The following SCIN variants were observed in gnomAD, a reference collection of about 807,000 sequenced individuals.
The protein encoded by SCIN is adseverin.
SCIN carries 91 observed loss-of-function variants against 91.8 expected under a neutral mutation model. The observed-to-expected ratio is 0.99, with a 90% CI of 0.84 to 1.18. The LOEUF (loss-of-function observed/expected upper bound fraction) is 1.18, where lower values mean the gene tolerates loss of function less well. SCIN is among the 50% of genes most tolerant of loss of function. The pLI is 0.00. For synonymous variants in SCIN, 367 were observed against 312.6 expected (o/e 1.17, Z -1.84); for missense variants, 1,087 against 863.9 (o/e 1.26, Z -3.24).
rs1028323597 is a variant in SCIN at position 12,655,710 on chromosome 7, C to A, written c.*2995C>A. ...GCACAGTATTACTTTTGTAAACATA[C>A]ACAAAAAATATTATATATTTGCCAA... On this transcript the variant is annotated 3_prime_UTR_variant, in exon 16 of 16. Coordinates refer to ENST00000297029, the MANE Select transcript of SCIN (RefSeq NM_001112706.3). The A allele has an allele frequency of 1.3e-5, 2 of 152,048 alleles. No homozygotes were observed. Among genetic ancestry groups the A allele is most frequent in the Admixed American group, 1.3e-4 (2 of 15,260 alleles). 9.4% of individuals were successfully genotyped at this position (152,048 alleles called of 1,614,324 possible). A position where few individuals can be genotyped will look rare whatever the true frequency, so the allele number is the denominator to read the frequency against.
intron 6 of SCIN, 89 bp from the exon 7 acceptor site, chr7:12,625,673 C>G: frequency 2.1e-6 from 2 of 966,026 alleles, no homozygotes; most frequent in South Asian, 3.2e-5. Context: ...CAATTATAAT[C>G]ATGTTTATTA....
At chr7:12,594,302 T>G (rs995140559) in intron 3 of SCIN, among the ~76,000 whole-genome samples, 1 of 150,818 alleles carries the variant, frequency 6.6e-6, no homozygotes, top group African/African-American at 2.4e-5. Context: ...GGAAGAGGAG[T>G]CATCGGCTGG....
intron 9 of SCIN, 129 bp downstream of exon 9, chr7:12,629,351 T>G: frequency 1.2e-6 from 1 of 827,128 alleles, no homozygotes; most frequent in Admixed American, 3.1e-5. Context: ...AGCATGCATA[T>G]AGTATTTTCT....
Position 12,649,450 on chromosome 7 carries a change from C to T in SCIN, c.1882-17C>T, listed in dbSNP as rs371887843. On this transcript the variant is annotated splice_polypyrimidine_tract_variant and intron_variant, in intron 13 of 15. Coordinates refer to ENST00000297029, the MANE Select transcript of SCIN (RefSeq NM_001112706.3). The stretch of plus-strand genomic sequence containing the variant: ...ACTGCTTTACTTTTTGCTCATATAG[C>T]TTTTTATACCTTTCAGATTGAAGAG... The T allele has an allele frequency of 1.9e-6, 3 of 1,558,416 alleles. No homozygotes were observed. Among genetic ancestry groups the T allele is most frequent in the South Asian group, 1.2e-5 (1 of 83,536 alleles).
At chr7:12,593,963 T>G (rs973490835) in intron 3 of SCIN, among the ~76,000 whole-genome samples, 2 of 152,346 alleles carry the variant, frequency 1.3e-5, no homozygotes, top group South Asian at 4.1e-4. Flanking sequence ...TTTAAATTCT[T>G]TGATGTAAGT....
intron 1 of SCIN, among the ~76,000 whole-genome samples, chr7:12,571,820 C>G (rs923650721): frequency 2.6e-5 from 4 of 152,162 alleles, no homozygotes; most frequent in Admixed American, 2.0e-4. Flanking sequence ...GACACTGGGC[C>G]TTGTGTGTTC....
Position 12,626,932 on chromosome 7 carries a change from A to G in SCIN, c.1197+133A>G, listed in dbSNP as rs140418232. On this transcript the variant is annotated intron_variant, in intron 8 of 15. Transcript: ENST00000297029. ...TGGTGAAACCCCACCTCTACTCAAA[A>G]TACAAAAATTAGCCAGGTGTGATGG... 2,371 of 774,896 alleles carry G rather than the reference A, an allele frequency of 3.1e-3. 7 individuals carry two copies. The highest frequency in any genetic ancestry group is 5.1e-3 in the Middle Eastern group (16 of 3,126). The allele number at this position is 774,896 out of a possible 1,614,324, so 48.0% of individuals were successfully genotyped here. A position where few individuals can be genotyped will look rare whatever the true frequency, so the allele number is the denominator to read the frequency against.
chr7:12,657,024 G>A lies in SCIN; in HGVS notation c.*4309G>A, dbSNP rs1427775633. 6.6e-6 allele frequency: 1 copy of A among 151,750 alleles called. No individual in the cohort carries two copies. Among genetic ancestry groups the A allele is most frequent in the African/African-American group, 2.4e-5 (1 of 41,318 alleles). The allele number at this position is 151,750 out of a possible 1,614,324, so 9.4% of individuals were successfully genotyped here. A position where few individuals can be genotyped will look rare whatever the true frequency, so the allele number is the denominator to read the frequency against. Reference sequence around the variant, plus strand: ...TTGGTAATGCCAAGTAAAAATACAGGAGAGGATATAGTGAAACTGGAGCTT... The same window carrying A: ...TTGGTAATGCCAAGTAAAAATACAGAAGAGGATATAGTGAAACTGGAGCTT... On this transcript the variant is annotated 3_prime_UTR_variant, in exon 16 of 16. Transcript: ENST00000297029.
chr7:12,577,888 A>T, intron 1 of SCIN, 176 bp from the exon 2 acceptor site: 1 of 593,568 alleles, frequency 1.7e-6, no homozygotes. Context: ...AAAAATTGTT[A>T]ATTATTAGCA....
chr7:12,603,363 C>T (rs1206584555), intron 3 of SCIN, among the ~76,000 whole-genome samples: 1 of 151,978 alleles, frequency 6.6e-6, no homozygotes, highest in African/African-American at 2.4e-5. Flanking sequence ...CCAGGATATT[C>T]TCAATCTCCT....
At chr7:12,578,331 C>G in intron 2 of SCIN, 113 bp downstream of exon 2, 1 of 977,774 alleles carries the variant, frequency 1.0e-6, no homozygotes, top group South Asian at 2.3e-5. Context: ...GTTTTATTTG[C>G]TTTTGTTTTA....
intron 9 of SCIN, among the ~76,000 whole-genome samples, chr7:12,631,702 C>G (rs1016056398): frequency 6.6e-6 from 1 of 152,146 alleles, no homozygotes; most frequent in East Asian, 1.9e-4. Context: ...GATGTGATCT[C>G]TTGACTTTGG....
Position 12,651,256 on chromosome 7 carries a change from T to C in SCIN, c.1960-585T>C, listed in dbSNP as rs1784072858. Among the ~76,000 whole-genome samples the C allele has an allele frequency of 1.3e-5, 2 of 152,166 alleles. No individual in the cohort carries two copies. Among genetic ancestry groups the C allele is most frequent in the Admixed American group, 1.3e-4 (2 of 15,280 alleles). On this transcript the variant is annotated intron_variant, in intron 14 of 15. Transcript: ENST00000297029. The surrounding 1 kb of genome is among the most constrained non-coding windows in gnomAD (Gnocchi z 5.9). Reference sequence around the variant, plus strand: ...AAAACCTCACATAAAGTATAGATGGTAAATGTTTCTTTCAGACCTTTAAGA... The same window carrying C: ...AAAACCTCACATAAAGTATAGATGGCAAATGTTTCTTTCAGACCTTTAAGA...
At chr7:12,620,064 A>T (rs946807948) in intron 4 of SCIN, among the ~76,000 whole-genome samples, 7 of 152,080 alleles carry the variant, frequency 4.6e-5, no homozygotes, top group East Asian at 1.9e-4. Context: ...ATATCTATCA[A>T]ATGATAGACA....
At chr7:12,593,704 G>A (rs1583285648) in intron 3 of SCIN, among the ~76,000 whole-genome samples, 1 of 152,044 alleles carries the variant, frequency 6.6e-6, no homozygotes, top group Non-Finnish European at 1.5e-5. Flanking sequence ...CTTTGTTAAG[G>A]CCTGCAATGA....
At chr7:12,588,273 G>A (rs76515721) in intron 3 of SCIN, among the ~76,000 whole-genome samples, 7,500 of 152,232 alleles carry the variant, frequency 0.049, 597 homozygotes, top group African/African-American at 0.17. Context: ...AGTGCGTGCC[G>A]AGTGAATAGA....
At chr7:12,589,860 T>C (rs903718925) in intron 3 of SCIN, among the ~76,000 whole-genome samples, 1 of 152,150 alleles carries the variant, frequency 6.6e-6, no homozygotes, top group African/African-American at 2.4e-5. Context: ...GGCGTCCGTA[T>C]ATTAACTCAA....
intron 13 of SCIN, among the ~76,000 whole-genome samples, chr7:12,645,271 A>G (rs1783940736): frequency 6.6e-6 from 1 of 151,838 alleles, no homozygotes; most frequent in Admixed American, 6.6e-5. Context: ...GTGAGCCAAG[A>G]TCGTGCCACT....
chr7:12,627,869 C>T (rs569858447), intron 8 of SCIN, among the ~76,000 whole-genome samples: 32 of 152,098 alleles, frequency 2.1e-4, no homozygotes, highest in African/African-American at 4.6e-4. Context: ...GGCTCTCTCT[C>T]GGATCTTGTG....
Sources: allele counts gnomAD v4.1 joint callset (sites outside exome capture counted in the v4.1 genomes callset), GRCh38; gene constraint gnomAD v4.1.1; non-coding constraint Gnocchi (gnomAD v3.1); transcripts MANE v1.5; gene names NCBI Gene and HGNC (gene_info 2026-07-23, HGNC 2026-07-21).